Variants in EEF2K observed in about 807,000 individuals in gnomAD.
The protein encoded by EEF2K is eukaryotic elongation factor 2 kinase, also known as alternative protein EEF2K.
EEF2K carries 70 observed loss-of-function variants against 93.8 expected under a neutral mutation model. That is an observed-to-expected ratio of 0.75 (90% CI 0.62 to 0.91). The LOEUF (loss-of-function observed/expected upper bound fraction) is 0.91. Ranked by LOEUF, EEF2K falls within the 40% of genes least tolerant of loss-of-function variation. EEF2K has a pLI of 0.00. For synonymous variants in EEF2K, 376 were observed against 380.8 expected (o/e 0.99, Z 0.15); for missense variants, 935 against 972.9 (o/e 0.96, Z 0.52).
At chr16:22,210,942 T>C (rs768443493) in intron 1 of EEF2K, among the ~76,000 whole-genome samples, 6 of 152,092 alleles carry the variant, frequency 3.9e-5, no homozygotes, top group Non-Finnish European at 7.4e-5. Context: ...AGGATCACAG[T>C]GGAGAGGAAG....
chr16:22,236,578 G>C (rs1037685632), intron 2 of EEF2K, among the ~76,000 whole-genome samples: 1 of 151,940 alleles, frequency 6.6e-6, no homozygotes, highest in Non-Finnish European at 1.5e-5. Context: ...GGTGATAAAG[G>C]CTTGGGTGAG....
At chr16:22,243,408 T>C (rs1486827181) in intron 2 of EEF2K, among the ~76,000 whole-genome samples, 1 of 151,698 alleles carries the variant, frequency 6.6e-6, no homozygotes, top group Non-Finnish European at 1.5e-5. Context: ...TGTGCCACCA[T>C]GCCCAGCTAA....
intron 13 of EEF2K, 96 bp downstream of exon 13, chr16:22,264,976 A>G (rs1035381355): frequency 2.1e-6 from 3 of 1,449,660 alleles, no homozygotes; most frequent in South Asian, 1.2e-5. Flanking sequence ...CTGCCTGCCC[A>G]TCTGTCTTGC....
At chr16:22,238,736 T>C (rs1419103089) in intron 2 of EEF2K, among the ~76,000 whole-genome samples, 4 of 148,708 alleles carry the variant, frequency 2.7e-5, no homozygotes, top group Admixed American at 6.7e-5. Context: ...GGGTAGGTGA[T>C]AGGAATGGCT....
intron 2 of EEF2K, among the ~76,000 whole-genome samples, chr16:22,239,737 G>C (rs2047202198): frequency 6.6e-6 from 1 of 152,194 alleles, no homozygotes; most frequent in South Asian, 2.1e-4. Context: ...CTTGAACCCA[G>C]GAGTTTGAGG....
At chr16:22,264,982 C>G in intron 13 of EEF2K, 102 bp downstream of exon 13, 1 of 1,380,624 alleles carries the variant, frequency 7.2e-7, no homozygotes, top group African/African-American at 1.4e-5. Flanking sequence ...GCCCATCTGT[C>G]TTGCACATGT....
intron 1 of EEF2K, among the ~76,000 whole-genome samples, chr16:22,218,076 G>C (rs1033042014): frequency 6.6e-5 from 10 of 152,288 alleles, no homozygotes; most frequent in African/African-American, 2.2e-4. Context: ...AAAGCCCCAG[G>C]TTTGCTGCAA....
intron 15 of EEF2K, among the ~76,000 whole-genome samples, chr16:22,270,488 G>A (rs1274350908): frequency 6.6e-6 from 1 of 151,938 alleles, no homozygotes; most frequent in Non-Finnish European, 1.5e-5. Flanking sequence ...TTGACCTCAA[G>A]TGATCTGCCT....
intron 13 of EEF2K, 37 bp downstream of exon 13, chr16:22,264,917 C>T: frequency 6.2e-7 from 1 of 1,610,948 alleles, no homozygotes; most frequent in South Asian, 1.1e-5. Flanking sequence ...TCTGCCTCTT[C>T]CCTGTCTCCT....
At chr16:22,222,452 T>G (rs1375499141) in intron 1 of EEF2K, among the ~76,000 whole-genome samples, 1 of 151,926 alleles carries the variant, frequency 6.6e-6, no homozygotes, top group Non-Finnish European at 1.5e-5. Context: ...CAAGCGATCC[T>G]CCCACCTCGG....
chr16:22,284,007 C>T lies in EEF2K; in HGVS notation c.*11C>T, dbSNP rs1321324967. ...CAGATGGAGGAGTAACCAGGAAAAT[C>T]ACTGCCGGCTAGTCCCAAGCAAACG... is the stretch of plus-strand genomic sequence containing the variant. On this transcript the variant is annotated 3_prime_UTR_variant, in exon 18 of 18. Transcript: ENST00000263026. The T allele has an allele frequency of 6.4e-7, 1 of 1,562,430 alleles. No individual in the cohort carries two copies.
chr16:22,263,056 A>C (rs2047481037), intron 11 of EEF2K, 54 bp from the exon 12 acceptor site: 1 of 1,561,404 alleles, frequency 6.4e-7, no homozygotes, highest in African/African-American at 1.4e-5. Flanking sequence ...TGTCATAACC[A>C]TTTCCAGGTG....
rs923606544 is a variant in EEF2K, at chr16:22,239,333, G to A, written c.247-5297G>A. Among the ~76,000 whole-genome samples, 9 of 152,096 alleles carry A rather than the reference G, an allele frequency of 5.9e-5. No individual in the cohort carries two copies. In the East Asian group the frequency reaches 7.7e-4, roughly 13 times the overall value. ...TAGTGGCTTACGGAGTGGCGGAGTCGTTTGAGAGAGGCACTGTCAGAGAAT... is the reference window on the plus strand; with the variant it reads ...TAGTGGCTTACGGAGTGGCGGAGTCATTTGAGAGAGGCACTGTCAGAGAAT... On this transcript the variant is annotated intron_variant, in intron 2 of 17. Transcript: ENST00000263026.
chr16:22,257,197 C>T, intron 7 of EEF2K, 56 bp from the exon 8 acceptor site: 1 of 1,612,510 alleles, frequency 6.2e-7, no homozygotes, highest in Non-Finnish European at 8.5e-7. Flanking sequence ...TGGCCAGTGC[C>T]TGCACAGACC....
At chr16:22,276,570 C>T (rs938898991) in intron 16 of EEF2K, among the ~76,000 whole-genome samples, 1 of 152,044 alleles carries the variant, frequency 6.6e-6, no homozygotes, top group Non-Finnish European at 1.5e-5. Context: ...ATCCAATAGG[C>T]GAAGGAGAAG....
At chr16:22,274,634 G>T (rs1229089959) in intron 16 of EEF2K, among the ~76,000 whole-genome samples, 1 of 151,946 alleles carries the variant, frequency 6.6e-6, no homozygotes, top group Non-Finnish European at 1.5e-5. Flanking sequence ...TAGAAACAGG[G>T]TCTCACTCTG....
At position 22,273,746 on chromosome 16, in the gene EEF2K, G is replaced by T. The variant is rs2047608331; in HGVS notation, c.1885G>T (p.Asp629Tyr). The T allele has an allele frequency of 6.2e-7, 1 of 1,613,504 alleles. No individual in the cohort carries two copies. The highest frequency in any genetic ancestry group is 8.5e-7 in the Non-Finnish European group (1 of 1,179,818). ...AFDSGQNLSP[D>Y]RCQDWLEALH... ...TGACTCTGGCCAGAACCTCAGCCCG[G>T]ACAGGTACTGCAGCTGTCACCCAGG... Residue 629 changes from aspartate (D) to tyrosine (Y), a missense_variant, in exon 16 of 18, where the codon GAC (aspartate) becomes TAC (tyrosine). By Grantham distance (160) the Asp-to-Tyr change is radical. Coordinates refer to ENST00000263026, the MANE Select transcript of EEF2K (RefSeq NM_013302.5).
intron 2 of EEF2K, among the ~76,000 whole-genome samples, chr16:22,228,639 T>A (rs1035769334): frequency 6.6e-6 from 1 of 152,240 alleles, no homozygotes; most frequent in Non-Finnish European, 1.5e-5. Context: ...ATATGTCGTT[T>A]GAGGAGGGAA....
In EEF2K at chr16:22,225,867, A is replaced by G. The variant is rs2047058409; in HGVS notation, c.138A>G (p.Pro46=). 6.2e-7 allele frequency: 1 copy of G among 1,614,090 alleles called. No homozygotes were observed. Among genetic ancestry groups the G allele is most frequent in the Admixed American group, 1.7e-5 (1 of 59,998 alleles). ...TCATCTGCCCCATCACGGATGACCC[A>G]AGCTCGAACCAGAATGTCAATTCCA... ...GYFICPITDD[P]SSNQNVNSKV... Residue 46 remains proline, a synonymous_variant, in exon 2 of 18, where the codon CCA becomes CCG. Coordinates refer to ENST00000263026, the MANE Select transcript of EEF2K (RefSeq NM_013302.5).
Sources: allele counts gnomAD v4.1 joint callset (sites outside exome capture counted in the v4.1 genomes callset), GRCh38; gene constraint gnomAD v4.1.1; transcripts MANE v1.5; gene names NCBI Gene and HGNC (gene_info 2026-07-23, HGNC 2026-07-21).